Variants in NBEA observed in about 807,000 individuals in gnomAD.
The protein encoded by NBEA is lysosomal-trafficking regulator 2.
Under a neutral mutation model 343.4 loss-of-function variants are expected in NBEA, and 44 were observed. The observed-to-expected ratio is 0.13, with a 90% CI of 0.10 to 0.16. NBEA has a LOEUF of 0.16. Ranked by LOEUF, NBEA falls within the 10% of genes least tolerant of loss-of-function variation. The probability of loss-of-function intolerance (pLI) is 1.00; values close to 1 mark genes in which losing one functional copy is unlikely to be tolerated. For synonymous variants in NBEA, 1,175 were observed against 1,238.7 expected (o/e 0.95, Z 1.08); for missense variants, 2,555 against 3,631.3 (o/e 0.70, Z 7.62).
intron 46 of NBEA, among the ~76,000 whole-genome samples, chr13:35,590,251 A>G (rs901424931): frequency 3.9e-5 from 6 of 152,136 alleles, no homozygotes; most frequent in African/African-American, 1.4e-4. Flanking sequence ...TCAGAGCTTG[A>G]AAGATCAATA....
Position 35,470,301 on chromosome 13 carries a change from A to G in NBEA, c.6449-2099A>G, listed in dbSNP as rs372174202. ...TAGAGAAGATATGCTCCCCACGGAA[A>G]GTTCACGGATGTGTACTTAAAATTT... On this transcript the variant is annotated intron_variant, in intron 40 of 58. Transcript: ENST00000379939. Among the ~76,000 whole-genome samples the G allele has an allele frequency of 3.3e-5, 5 of 152,354 alleles. No individual in the cohort carries two copies. The South Asian group carries it at 1.0e-3, about 32-fold the overall frequency.
intron 41 of NBEA, among the ~76,000 whole-genome samples, chr13:35,539,491 A>G (rs1373698470): frequency 6.6e-6 from 1 of 152,204 alleles, no homozygotes; most frequent in Non-Finnish European, 1.5e-5. Context: ...AACATTTGCC[A>G]CTTTTTAAAT....
At chr13:35,463,752 G>T (rs1333407457) in intron 40 of NBEA, among the ~76,000 whole-genome samples, 2 of 152,078 alleles carry the variant, frequency 1.3e-5, no homozygotes, top group Non-Finnish European at 2.9e-5. Flanking sequence ...CTAAAGGAGA[G>T]AATAGGAGTG....
At chr13:35,142,570 C>T (rs2068148851) in intron 18 of NBEA, among the ~76,000 whole-genome samples, 193 bp downstream of exon 18, 1 of 152,012 alleles carries the variant, frequency 6.6e-6, no homozygotes, top group South Asian at 2.1e-4. Flanking sequence ...ACAATTTTTG[C>T]CAATTTCTTT....
chr13:35,098,205 G>T (rs1469562683), intron 10 of NBEA, 92 bp from the exon 11 acceptor site: 18 of 807,026 alleles, frequency 2.2e-5, no homozygotes, highest in South Asian at 1.8e-5. Flanking sequence ...TTTGAATATG[G>T]TTATCTTTTG....
chr13:35,545,113 AACC>A (rs1182579211), intron 41 of NBEA, among the ~76,000 whole-genome samples: 1 of 152,232 alleles, frequency 6.6e-6, no homozygotes, highest in African/African-American at 2.4e-5. Context: ...AAAATTATGT[AACC>A]AGTAAAGGTA....
chr13:35,384,553 T>C (rs1213818188), intron 38 of NBEA, among the ~76,000 whole-genome samples: 2 of 134,942 alleles, frequency 1.5e-5, no homozygotes, highest in African/African-American at 5.7e-5. Context: ...TGAGAGGGAG[T>C]CTCGCTCTGT....
chr13:35,280,026 AATTT>A (rs1268038634), intron 34 of NBEA, among the ~76,000 whole-genome samples: 1 of 152,294 alleles, frequency 6.6e-6, no homozygotes, highest in African/African-American at 2.4e-5. Context: ...AATTATTTGA[AATTT>A]ATTTTAGTAG....
chr13:35,489,720 C>A (rs554382964), intron 41 of NBEA, among the ~76,000 whole-genome samples: 1 of 151,826 alleles, frequency 6.6e-6, no homozygotes, highest in South Asian at 2.1e-4. Flanking sequence ...GTTTAAATCT[C>A]AAAATGTTTA....
intron 55 of NBEA, among the ~76,000 whole-genome samples, 173 bp from the exon 56 acceptor site, chr13:35,664,912 T>C (rs370391086): frequency 1.3e-5 from 2 of 152,258 alleles, no homozygotes; most frequent in Non-Finnish European, 1.5e-5. Context: ...TCGCTAGTTA[T>C]GCGCATTTCA....
intron 1 of NBEA, among the ~76,000 whole-genome samples, chr13:34,945,000 T>G (rs1173467846): frequency 6.6e-6 from 1 of 152,154 alleles, no homozygotes; most frequent in Admixed American, 6.5e-5. Flanking sequence ...AATGTTTCTC[T>G]TGAGATAAAA....
chr13:34,983,250 A>G (rs536006562), intron 1 of NBEA, among the ~76,000 whole-genome samples: 1 of 152,068 alleles, frequency 6.6e-6, no homozygotes, highest in African/African-American at 2.4e-5. Flanking sequence ...TTCAATTCCC[A>G]CCTATGAGTG....
chr13:35,564,682 C>G (rs1341586803), intron 44 of NBEA, among the ~76,000 whole-genome samples: 1 of 152,106 alleles, frequency 6.6e-6, no homozygotes, highest in African/African-American at 2.4e-5. Flanking sequence ...GTATTATTCA[C>G]CATAGACTTA....
chr13:35,184,593 G>GA (rs959608464), intron 30 of NBEA, among the ~76,000 whole-genome samples: 6 of 151,468 alleles, frequency 4.0e-5, no homozygotes, highest in East Asian at 1.9e-4. Context: ...ATAAGCAAAA[G>GA]AAAAAAAATC....
chr13:35,563,482 C>T (rs1474111672), intron 44 of NBEA, among the ~76,000 whole-genome samples: 1 of 151,888 alleles, frequency 6.6e-6, no homozygotes, highest in Non-Finnish European at 1.5e-5. Context: ...AGTGCCACTT[C>T]ATCACTCTTT....
intron 38 of NBEA, among the ~76,000 whole-genome samples, chr13:35,383,167 C>A (rs1259996542): frequency 6.6e-6 from 1 of 152,182 alleles, no homozygotes; most frequent in South Asian, 2.1e-4. Context: ...GGAGGTAAAT[C>A]ATCAAAACTG....
intron 34 of NBEA, among the ~76,000 whole-genome samples, chr13:35,242,949 A>G (rs1215717551): frequency 6.6e-6 from 1 of 151,860 alleles, no homozygotes; most frequent in Non-Finnish European, 1.5e-5. Flanking sequence ...ACAGTAACTC[A>G]AAGCCATATG....
At chr13:35,076,621 C>T (rs1173188185) in intron 10 of NBEA, among the ~76,000 whole-genome samples, 1 of 151,072 alleles carries the variant, frequency 6.6e-6, no homozygotes, top group African/African-American at 2.4e-5. Context: ...TATCTTTGAC[C>T]CTTCACTCCC....
chr13:35,066,585 T>G (rs1322838884), intron 8 of NBEA, among the ~76,000 whole-genome samples: 1 of 152,150 alleles, frequency 6.6e-6, no homozygotes, highest in African/African-American at 2.4e-5. Flanking sequence ...TAAAGTCTAT[T>G]TTGTCCGATA....
Sources: allele counts gnomAD v4.1 joint callset (sites outside exome capture counted in the v4.1 genomes callset), GRCh38; gene constraint gnomAD v4.1.1; transcripts MANE v1.5; gene names NCBI Gene and HGNC (gene_info 2026-07-23, HGNC 2026-07-21).